The following XKR6 variants were observed in gnomAD, a reference collection of about 807,000 sequenced individuals.
XKR6 encodes XK related 6, also known as XK-related protein 6.
XKR6 carries 22 observed loss-of-function variants against 56.7 expected under a neutral mutation model. The ratio of observed to expected loss-of-function variants is 0.39; its 90% confidence interval spans 0.28 to 0.55. The LOEUF (loss-of-function observed/expected upper bound fraction) is 0.55, where lower values mean the gene tolerates loss of function less well. Ranked by LOEUF, XKR6 falls within the 20% of genes least tolerant of loss-of-function variation. The pLI, the probability that XKR6 is intolerant of heterozygous loss-of-function variation, is 0.66. For missense variants in XKR6, 852 were observed against 889.0 expected (o/e 0.96, Z 0.53); for synonymous variants, 524 against 387.8 (o/e 1.35, Z -4.13).
chr8:10,939,955 G>A (rs1586330176), intron 1 of XKR6, among the ~76,000 whole-genome samples: 1 of 152,230 alleles, frequency 6.6e-6, no homozygotes, highest in South Asian at 2.1e-4. Flanking sequence ...TCCCCTGAGT[G>A]TGCACATCGT....
intron 2 of XKR6, among the ~76,000 whole-genome samples, chr8:10,906,031 C>T (rs1390719592): frequency 2.0e-5 from 3 of 152,152 alleles, no homozygotes; most frequent in South Asian, 2.1e-4. Context: ...GGCTCAAAGC[C>T]GTTAAATAAC....
At chr8:11,165,932 T>C (rs976629687) in intron 1 of XKR6, among the ~76,000 whole-genome samples, 1 of 146,768 alleles carries the variant, frequency 6.8e-6, no homozygotes, top group Non-Finnish European at 1.5e-5. Context: ...GATACATTCA[T>C]GTATATATAT....
chr8:11,182,948 G>T (rs1396278165), intron 1 of XKR6, among the ~76,000 whole-genome samples: 3 of 152,162 alleles, frequency 2.0e-5, no homozygotes, highest in African/African-American at 7.2e-5. Context: ...CGGCCCTTTT[G>T]TAAGTGGAAT....
intron 1 of XKR6, among the ~76,000 whole-genome samples, chr8:11,085,269 A>G (rs1389893837): frequency 6.6e-6 from 1 of 151,988 alleles, no homozygotes; most frequent in Non-Finnish European, 1.5e-5. Context: ...TTGTCTCTCT[A>G]ACTGTGGCAA....
intron 1 of XKR6, among the ~76,000 whole-genome samples, chr8:10,925,128 T>A: frequency 6.6e-6 from 1 of 152,140 alleles, no homozygotes; most frequent in Non-Finnish European, 1.5e-5. Context: ...TGGGGCCAGA[T>A]GCCCTGCCAG....
At chr8:10,982,043 T>C (rs1238851177) in intron 1 of XKR6, among the ~76,000 whole-genome samples, 1 of 152,252 alleles carries the variant, frequency 6.6e-6, no homozygotes, top group Admixed American at 6.5e-5. Context: ...GCAGAAGCCT[T>C]AGTTGCTACC....
At chr8:11,194,784 C>T (rs1803781037) in intron 1 of XKR6, 1 of 273,414 alleles carries the variant, frequency 3.7e-6, no homozygotes. Context: ...ATGTTGAAGA[C>T]AGAAATGAAC....
At chr8:10,967,975 C>A (rs1054838749) in intron 1 of XKR6, among the ~76,000 whole-genome samples, 2 of 152,178 alleles carry the variant, frequency 1.3e-5, no homozygotes, top group Non-Finnish European at 2.9e-5. Context: ...CAGATGGATA[C>A]CTCGGCCCCT....
intron 1 of XKR6, among the ~76,000 whole-genome samples, chr8:11,129,929 G>A (rs963594274): frequency 6.6e-6 from 1 of 152,062 alleles, no homozygotes; most frequent in Admixed American, 6.6e-5. Context: ...GAGGAAAAAC[G>A]CTATCTGAGG....
Position 11,016,706 on chromosome 8 carries a change from G to C in XKR6, c.765-91876C>G, listed in dbSNP as rs936301215. The stretch of plus-strand genomic sequence containing the variant: ...GCCCCGCCTCCGCCTCTGCCTCCGC[G>C]GCCAGCACTGGGGAGCGTCCTGGCC... On this transcript the variant is annotated intron_variant, in intron 1 of 2. Coordinates refer to ENST00000416569, the MANE Select transcript of XKR6 (RefSeq NM_173683.4). Among the ~76,000 whole-genome samples, 21 of 152,290 alleles carry C rather than the reference G, an allele frequency of 1.4e-4. 1 individual carries two copies. Among genetic ancestry groups the C allele is most frequent in the African/African-American group, 5.1e-4 (21 of 41,570 alleles).
intron 1 of XKR6, among the ~76,000 whole-genome samples, chr8:10,974,081 A>G (rs558891169): frequency 1.2e-4 from 19 of 152,244 alleles, no homozygotes; most frequent in African/African-American, 2.4e-4. Context: ...GTATTTTTCC[A>G]TTGGTCCAGT....
Position 10,924,629 on chromosome 8 carries a change from C to A in XKR6, c.961+5G>T. 6.3e-7 allele frequency: 1 copy of A among 1,596,902 alleles called. No individual in the cohort carries two copies. Among genetic ancestry groups the A allele is most frequent in the Non-Finnish European group, 8.6e-7 (1 of 1,168,198 alleles). On this transcript the variant is annotated splice_donor_5th_base_variant and intron_variant, in intron 2 of 2. Transcript: ENST00000416569. ...GGTGGCGGGGCGCGGCCGGCGGGCA[C>A]TCACAGGGCAGGGTCTCGGCGCTGT... is the stretch of plus-strand genomic sequence containing the variant.
chr8:11,173,250 A>G (rs1045487629), intron 1 of XKR6, among the ~76,000 whole-genome samples: 6 of 151,520 alleles, frequency 4.0e-5, no homozygotes, highest in African/African-American at 1.2e-4. Context: ...AGGCTGAGGC[A>G]GGAGAATGGC....
At chr8:11,192,190 G>A (rs1001458173) in intron 1 of XKR6, among the ~76,000 whole-genome samples, 5 of 151,704 alleles carry the variant, frequency 3.3e-5, no homozygotes, top group African/African-American at 9.7e-5. Context: ...GTGGAGTCTC[G>A]CTCTGTCACT....
chr8:11,118,883 T>A (rs1586570665), intron 1 of XKR6, among the ~76,000 whole-genome samples: 1 of 152,246 alleles, frequency 6.6e-6, no homozygotes, highest in East Asian at 1.9e-4. Flanking sequence ...CTTCTCTAGA[T>A]CTTTTAATTG....
intron 1 of XKR6, among the ~76,000 whole-genome samples, chr8:10,981,067 A>C (rs1797723568): frequency 6.6e-6 from 1 of 152,072 alleles, no homozygotes; most frequent in Non-Finnish European, 1.5e-5. Flanking sequence ...TCCCATTTTA[A>C]ATTCCTACCC....
chr8:11,009,898 A>T (rs1326249585), intron 1 of XKR6, among the ~76,000 whole-genome samples: 1 of 152,196 alleles, frequency 6.6e-6, no homozygotes, highest in African/African-American at 2.4e-5. Flanking sequence ...AACTCTCTGT[A>T]ACACCTTTGT....
chr8:11,188,235 T>C (rs1803376808), intron 1 of XKR6, among the ~76,000 whole-genome samples: 1 of 152,178 alleles, frequency 6.6e-6, no homozygotes, highest in South Asian at 2.1e-4. Flanking sequence ...ACATATCACA[T>C]TTAATCATAA....
intron 1 of XKR6, among the ~76,000 whole-genome samples, chr8:11,187,288 C>A (rs1018932457): frequency 1.3e-5 from 2 of 152,146 alleles, no homozygotes; most frequent in Non-Finnish European, 2.9e-5. Flanking sequence ...TAGACAAGGG[C>A]CAACAAAGCA....
Sources: allele counts gnomAD v4.1 joint callset (sites outside exome capture counted in the v4.1 genomes callset), GRCh38; gene constraint gnomAD v4.1.1; transcripts MANE v1.5; gene names NCBI Gene and HGNC (gene_info 2026-07-23, HGNC 2026-07-21).